UNC5C: variants seen among roughly 807,000 people sequenced by gnomAD.
UNC5C encodes the protein unc-5 netrin receptor C.
Under a neutral mutation model 99.8 loss-of-function variants are expected in UNC5C, and 47 were observed. That is an observed-to-expected ratio of 0.47 (90% CI 0.37 to 0.60). UNC5C has a LOEUF of 0.60. UNC5C is among the 20% of genes least tolerant of loss of function. The pLI is 0.00. For missense variants in UNC5C, 1,062 were observed against 1,165.9 expected (o/e 0.91, Z 1.30); for synonymous variants, 487 against 452.2 (o/e 1.08, Z -0.98).
In UNC5C at chr4:95,453,637, G is replaced by A. The variant is rs185794344; in HGVS notation, c.124+95097C>T. Among the ~76,000 whole-genome samples, 4 of 151,952 alleles carry A rather than the reference G, an allele frequency of 2.6e-5. No homozygotes were observed. In the East Asian group the frequency reaches 7.8e-4, roughly 29 times the overall value. On this transcript the variant is annotated intron_variant, in intron 1 of 15. Coordinates refer to ENST00000453304, the MANE Select transcript of UNC5C (RefSeq NM_003728.4). ...TTCATTTCCTTCAGCAAACACCAAG[G>A]ACTGAAGCATATAAAGGCATTGTGC...
chr4:95,309,115 A>G (rs1742176631), intron 2 of UNC5C, among the ~76,000 whole-genome samples: 2 of 152,178 alleles, frequency 1.3e-5, no homozygotes, highest in South Asian at 4.1e-4. Flanking sequence ...TAGCTCGCCC[A>G]GAAATAAATC....
At chr4:95,361,538 TC>T (rs1744393817) in intron 1 of UNC5C, among the ~76,000 whole-genome samples, 2 of 152,194 alleles carry the variant, frequency 1.3e-5, no homozygotes, top group Non-Finnish European at 2.9e-5. Context: ...TGAAAGTGTC[TC>T]CTGTGAGTGT....
intron 3 of UNC5C, among the ~76,000 whole-genome samples, chr4:95,282,125 C>A (rs930050239): frequency 6.6e-6 from 1 of 152,044 alleles, no homozygotes; most frequent in African/African-American, 2.4e-5. Flanking sequence ...CAGGGAGAGA[C>A]TGCAGCATAA....
intron 1 of UNC5C, among the ~76,000 whole-genome samples, chr4:95,351,319 T>C (rs866179728): frequency 2.4e-5 from 3 of 126,992 alleles, no homozygotes; most frequent in Non-Finnish European, 3.4e-5. Flanking sequence ...TAAACCTGAC[T>C]TTAGGGTTAG....
intron 1 of UNC5C, among the ~76,000 whole-genome samples, chr4:95,389,587 AT>A (rs1745300474): frequency 6.6e-6 from 1 of 152,128 alleles, no homozygotes; most frequent in South Asian, 2.1e-4. Flanking sequence ...TTGATTTAAA[AT>A]TTAAATCAAT....
At chr4:95,238,509 C>T (rs1463951362) in intron 7 of UNC5C, among the ~76,000 whole-genome samples, 3 of 152,098 alleles carry the variant, frequency 2.0e-5, no homozygotes, top group Non-Finnish European at 2.9e-5. Flanking sequence ...CCATTTAGCT[C>T]CATCTTATTT....
At chr4:95,177,895 A>G (rs1473064419) in intron 14 of UNC5C, among the ~76,000 whole-genome samples, 1 of 148,162 alleles carries the variant, frequency 6.7e-6, no homozygotes, top group Non-Finnish European at 1.5e-5. Context: ...TTAAGAGATG[A>G]TGGGGTCTCA....
chr4:95,171,354 G>A (rs1271391453), intron 14 of UNC5C, among the ~76,000 whole-genome samples: 1 of 150,726 alleles, frequency 6.6e-6, no homozygotes, highest in Non-Finnish European at 1.5e-5. Context: ...TCTAGCATTA[G>A]GTATATCTCC....
At chr4:95,413,431 A>T (rs1311404565) in intron 1 of UNC5C, among the ~76,000 whole-genome samples, 1 of 151,942 alleles carries the variant, frequency 6.6e-6, no homozygotes, top group Non-Finnish European at 1.5e-5. Flanking sequence ...AGAAGGCCAA[A>T]CTCCCTTTCA....
intron 1 of UNC5C, among the ~76,000 whole-genome samples, chr4:95,356,692 A>T (rs893539524): frequency 6.6e-6 from 1 of 152,146 alleles, no homozygotes; most frequent in Non-Finnish European, 1.5e-5. Flanking sequence ...GGACTGTGTG[A>T]GAGAGAGGCC....
chr4:95,305,958 A>G lies in UNC5C; in HGVS notation c.347-4209T>C, dbSNP rs375504125. Among the ~76,000 whole-genome samples, 19 of 152,266 alleles carry G rather than the reference A, an allele frequency of 1.2e-4. No homozygotes were observed. The East Asian group carries it at 3.3e-3, about 26-fold the overall frequency. ...TATGCTTAATTTCATAATAGTGGTA[A>G]GGCACCACAAATACTGTTTTTCTAG... On this transcript the variant is annotated intron_variant, in intron 2 of 15. Coordinates refer to ENST00000453304, the MANE Select transcript of UNC5C (RefSeq NM_003728.4).
chr4:95,307,389 G>T (rs1232901676), intron 2 of UNC5C, among the ~76,000 whole-genome samples: 1 of 152,006 alleles, frequency 6.6e-6, no homozygotes, highest in Non-Finnish European at 1.5e-5. Context: ...TACTATCTTT[G>T]TGATTAAGAT....
chr4:95,305,241 T>C (rs906552716), intron 2 of UNC5C, among the ~76,000 whole-genome samples: 1 of 152,208 alleles, frequency 6.6e-6, no homozygotes, highest in Non-Finnish European at 1.5e-5. Context: ...TAAATACTTA[T>C]GACTCAGAAG....
At position 95,280,067 on chromosome 4, in the gene UNC5C, C is replaced by A. The variant is rs560443459; in HGVS notation, c.491-1705G>T. On this transcript the variant is annotated intron_variant, in intron 3 of 15. Coordinates refer to ENST00000453304, the MANE Select transcript of UNC5C (RefSeq NM_003728.4). Reference sequence around the variant, plus strand: ...TTAATGCTCACTAGCCTGCTCACCTCCTGCTGTGCGACCAGCTCCTAACAG... The same window carrying A: ...TTAATGCTCACTAGCCTGCTCACCTACTGCTGTGCGACCAGCTCCTAACAG... Among the ~76,000 whole-genome samples the A allele has an allele frequency of 2.0e-5, 3 of 152,258 alleles. No individual in the cohort carries two copies. In the South Asian group the frequency reaches 6.2e-4, roughly 32 times the overall value.
intron 1 of UNC5C, among the ~76,000 whole-genome samples, chr4:95,447,502 T>C (rs1003293046): frequency 6.6e-6 from 1 of 151,974 alleles, no homozygotes; most frequent in African/African-American, 2.4e-5. Flanking sequence ...ATTATTTATT[T>C]ATTTTTTTAT....
At chr4:95,314,601 G>T (rs1252434703) in intron 2 of UNC5C, among the ~76,000 whole-genome samples, 1 of 152,140 alleles carries the variant, frequency 6.6e-6, no homozygotes, top group African/African-American at 2.4e-5. Context: ...GACAGAATAA[G>T]CTAACATCCA....
chr4:95,379,818 AG>A (rs1745009612), intron 1 of UNC5C, among the ~76,000 whole-genome samples: 3 of 152,122 alleles, frequency 2.0e-5, no homozygotes, highest in African/African-American at 7.2e-5. Flanking sequence ...GAGAGGGCAG[AG>A]GCGCTAAGAT....
chr4:95,296,610 A>G (rs1741678307), intron 3 of UNC5C, among the ~76,000 whole-genome samples: 1 of 152,166 alleles, frequency 6.6e-6, no homozygotes, highest in Non-Finnish European at 1.5e-5. Context: ...ATTATTTGAA[A>G]CTATGCAGCT....
intron 10 of UNC5C, among the ~76,000 whole-genome samples, chr4:95,207,331 T>C (rs963937264): frequency 2.0e-5 from 3 of 152,182 alleles, no homozygotes; most frequent in African/African-American, 7.2e-5. Context: ...TTCTTTCAAA[T>C]ATGACTAGAA....
Sources: allele counts gnomAD v4.1 joint callset (sites outside exome capture counted in the v4.1 genomes callset), GRCh38; gene constraint gnomAD v4.1.1; transcripts MANE v1.5; gene names NCBI Gene and HGNC (gene_info 2026-07-23, HGNC 2026-07-21).